The following SNX5 variants were observed in gnomAD, a reference collection of about 807,000 sequenced individuals.
SNX5 encodes sorting nexin 5.
A neutral mutation model predicts 53.9 loss-of-function variants in SNX5; 31 were observed. The observed-to-expected ratio is 0.58, with a 90% CI of 0.43 to 0.78. SNX5 has a LOEUF of 0.78. SNX5 is among the 30% of genes least tolerant of loss of function. The pLI is 0.00. For synonymous variants in SNX5, 168 were observed against 171.1 expected (o/e 0.98, Z 0.14); for missense variants, 471 against 478.8 (o/e 0.98, Z 0.15).
chr20:17,959,296 T>A (rs2035411989), intron 1 of SNX5, among the ~76,000 whole-genome samples: 1 of 152,212 alleles, frequency 6.6e-6, no homozygotes, highest in African/African-American at 2.4e-5. Context: ...AATAATTATC[T>A]TCTCTTTTCG....
intron 1 of SNX5, chr20:17,967,807 C>T: frequency 2.8e-6 from 1 of 359,392 alleles, no homozygotes; most frequent in Non-Finnish European, 4.9e-6. Flanking sequence ...AAATAGACAC[C>T]AAGTTCAGCA....
chr20:17,947,261 C>T (rs1163449297), intron 11 of SNX5: 10 of 498,158 alleles, frequency 2.0e-5, no homozygotes, highest in Non-Finnish European at 3.2e-5. Flanking sequence ...AGAAGCATGA[C>T]ATATGCAACT....
intron 1 of SNX5, chr20:17,962,117 G>T: frequency 2.8e-6 from 1 of 361,674 alleles, no homozygotes; most frequent in Non-Finnish European, 3.8e-6. Context: ...ACCTATCTGT[G>T]TTCAATCTCA....
chr20:17,961,061 G>T, intron 1 of SNX5: 1 of 827,822 alleles, frequency 1.2e-6, no homozygotes, highest in Non-Finnish European at 1.5e-6. Flanking sequence ...TTAAAAAATC[G>T]CAGTGCTTTT....
At chr20:17,955,906 C>T (rs1380160449) in intron 2 of SNX5, among the ~76,000 whole-genome samples, 2 of 152,170 alleles carry the variant, frequency 1.3e-5, no homozygotes, top group Non-Finnish European at 2.9e-5. Context: ...AGCCATCCTC[C>T]CACCTCAGCC....
At chr20:17,966,118 T>G (rs2035532756) in intron 1 of SNX5, among the ~76,000 whole-genome samples, 1 of 152,060 alleles carries the variant, frequency 6.6e-6, no homozygotes, top group South Asian at 2.1e-4. Flanking sequence ...TAAGGCCAAG[T>G]TGTTACTGTC....
At chr20:17,968,318 C>A (rs1450117730) in intron 1 of SNX5, 57 bp downstream of exon 1, 20 of 1,226,222 alleles carry the variant, frequency 1.6e-5, no homozygotes, top group Non-Finnish European at 2.1e-5. Context: ...AAGAATGCAG[C>A]GACCCCGGAG....
rs561015558 is a variant in SNX5, at chr20:17,968,572, G to A, written c.-147C>T. On this transcript the variant is annotated 5_prime_UTR_variant, in exon 1 of 13. Transcript: ENST00000377759. ...TGCCCGACGGCGGCAGGAGGCCTCCGGACTCCGCCACCATCCCAGCTGCCC... is the reference window on the plus strand; with the variant it reads ...TGCCCGACGGCGGCAGGAGGCCTCCAGACTCCGCCACCATCCCAGCTGCCC... 64 of 726,000 alleles carry A rather than the reference G, an allele frequency of 8.8e-5. No individual in the cohort carries two copies. The African/African-American group carries it at 1.0e-3, about 12-fold the overall frequency. 45.0% of individuals were successfully genotyped at this position (726,000 alleles called of 1,614,324 possible).
At chr20:17,957,763 T>A (rs546697671) in intron 1 of SNX5, among the ~76,000 whole-genome samples, 1 of 152,194 alleles carries the variant, frequency 6.6e-6, no homozygotes, top group East Asian at 1.9e-4. Context: ...AGAACAGTCA[T>A]GTGGAATAGG....
At chr20:17,968,247 A>G (rs1390307678) in intron 1 of SNX5, 128 bp downstream of exon 1, 4 of 762,772 alleles carry the variant, frequency 5.2e-6, no homozygotes. Context: ...CCCGGGTCTC[A>G]CGGGTGCTTC....
intron 12 of SNX5, 124 bp from the exon 13 acceptor site, chr20:17,942,531 C>G: frequency 1.4e-6 from 1 of 739,678 alleles, no homozygotes; most frequent in East Asian, 2.6e-5. Flanking sequence ...CAAGCTGGCC[C>G]TTCTCTTCAT....
rs1382781142 is a variant in SNX5 at position 17,957,005 on chromosome 20, A to T, written c.84T>A (p.Asp28Glu). ...LRSVSVDLNV[D>E]PSLQIDIPDA... ...CAGGTATGTCAATCTGAAGCGAGGG[A>T]TCAACATTCAGGTCCACAGATACAG... Residue 28 changes from aspartate to glutamate, a missense_variant, in exon 2 of 13, where the codon GAT becomes GAA. Transcript: ENST00000377759. The T allele has an allele frequency of 1.9e-6, 3 of 1,608,206 alleles. No individual in the cohort carries two copies. Among genetic ancestry groups the T allele is most frequent in the East Asian group, 4.5e-5 (2 of 44,882 alleles).
chr20:17,952,776 GATTA>G (rs2039588903), intron 4 of SNX5, 66 bp from the exon 5 acceptor site: 1 of 1,571,954 alleles, frequency 6.4e-7, no homozygotes, highest in Non-Finnish European at 8.6e-7. Context: ...TACCACTCCT[GATTA>G]ATTCTATGGC....
intron 8 of SNX5, among the ~76,000 whole-genome samples, chr20:17,949,500 G>A (rs2039534228): frequency 6.6e-6 from 1 of 152,154 alleles, no homozygotes; most frequent in South Asian, 2.1e-4. Flanking sequence ...AGTATCACCT[G>A]TTTTGCCAAG....
In SNX5 at chr20:17,950,442, T is replaced by A. The variant is rs963609834; in HGVS notation, c.610-46A>T. 2.8e-6 allele frequency: 3 copies of A among 1,056,228 alleles called. No homozygotes were observed. The East Asian group carries it at 7.1e-5, about 25-fold the overall frequency. The allele number at this position is 1,056,228 out of a possible 1,614,324, so 65.4% of individuals were successfully genotyped here. ...ACCAGACATTTCATGAAATATACTA[T>A]CCCTGCAGCCTTTTACATTTATCAA... is the stretch of plus-strand genomic sequence containing the variant. On this transcript the variant is annotated intron_variant, in intron 6 of 12. Transcript: ENST00000377759.
chr20:17,943,133 C>A lies in SNX5; in HGVS notation c.1141G>T (p.Glu381Ter). The change falls in exon 12 of 13, where the codon GAA becomes TAA. Residue 381 changes from glutamate to a stop codon, truncating the protein, a stop_gained. Transcript: ENST00000377759. LOFTEE classifies it high-confidence loss of function. ...ACCCTGGCATGTTTTATTTCCAGTT[C>A]AGACATTTCAATTAGATTCTTTCTA... ...AFRKNLIEMSELEIKHARNNV... is the reference protein window; with the variant it reads ...AFRKNLIEMS 1 of 1,606,672 alleles carries A rather than the reference C, an allele frequency of 6.2e-7. No homozygotes were observed. Among genetic ancestry groups the A allele is most frequent in the East Asian group, 2.2e-5 (1 of 44,840 alleles).
rs1388349501 is a variant in SNX5 at position 17,955,441 on chromosome 20, G to GA, written c.190dup (p.Ser64PhefsTer7). ...AAAGTCTTCATGTTGCCTTGTAACA[G>GA]AAAACTCTGGGCTCTGAAACGTGGG... On this transcript the variant is annotated frameshift_variant, in exon 3 of 13. Transcript: ENST00000377759. LOFTEE classifies it high-confidence loss of function. The GA allele has an allele frequency of 1.2e-6, 2 of 1,614,010 alleles. No homozygotes were observed. Among genetic ancestry groups the GA allele is most frequent in the African/African-American group, 2.7e-5 (2 of 74,940 alleles).
chr20:17,956,817 T>C (rs540371158), intron 2 of SNX5, 116 bp downstream of exon 2: 6 of 645,404 alleles, frequency 9.3e-6, no homozygotes, highest in South Asian at 1.8e-5. Context: ...TCTCACTTAA[T>C]AGTGCTACCC....
Position 17,942,373 on chromosome 20 carries a change from A to G in SNX5, c.1199T>C (p.Leu400Ser), listed in dbSNP as rs2039429384. ...NVSLLQSCID[L>S]FKNN is the part of the protein sequence containing the mutation. ...GAAGGCATATCAGTTATTCTTGAAC[A>G]AGTCAATACAGCTCTGCAAAAGGGA... Residue 400 changes from leucine to serine, a missense_variant, in exon 13 of 13, where the codon TTG becomes TCG. Coordinates refer to ENST00000377759, the MANE Select transcript of SNX5 (RefSeq NM_014426.4). 6.2e-7 allele frequency: 1 copy of G among 1,610,192 alleles called. No homozygotes were observed. Among genetic ancestry groups the G allele is most frequent in the African/African-American group, 1.3e-5 (1 of 74,818 alleles).
Sources: allele counts gnomAD v4.1 joint callset (sites outside exome capture counted in the v4.1 genomes callset), GRCh38; gene constraint gnomAD v4.1.1; transcripts MANE v1.5; gene names NCBI Gene and HGNC (gene_info 2026-07-23, HGNC 2026-07-21).